The following STPG2 variants were observed in gnomAD, a reference collection of about 807,000 sequenced individuals.
STPG2 encodes the protein sperm tail PG-rich repeat containing 2.
Under a neutral mutation model 54.2 loss-of-function variants are expected in STPG2, and 56 were observed. The observed-to-expected ratio is 1.03, with a 90% CI of 0.83 to 1.29. The LOEUF is 1.29. STPG2 is among the 50% of genes most tolerant of loss of function. The pLI, the probability that STPG2 is intolerant of heterozygous loss-of-function variation, is 0.00. For missense variants in STPG2, 596 were observed against 544.9 expected (o/e 1.09, Z -0.93); for synonymous variants, 200 against 181.8 (o/e 1.10, Z -0.81).
chr4:97,471,762 T>C (rs1225109444), intron 4 of STPG2, among the ~76,000 whole-genome samples: 1 of 152,174 alleles, frequency 6.6e-6, no homozygotes, highest in Non-Finnish European at 1.5e-5. Flanking sequence ...CAAGAAGAAG[T>C]TTATATCAGT....
chr4:97,712,550 A>G, intron 10 of STPG2, 149 bp downstream of exon 10: 2 of 466,548 alleles, frequency 4.3e-6, no homozygotes, highest in Non-Finnish European at 7.3e-6. Flanking sequence ...GTCAGACCAC[A>G]TCTTCAAAAA....
At chr4:97,768,246 G>A (rs1034577372) in intron 9 of STPG2, among the ~76,000 whole-genome samples, 2 of 151,262 alleles carry the variant, frequency 1.3e-5, no homozygotes, top group African/African-American at 4.9e-5. Context: ...AGAATTTAAA[G>A]ACACAATGCA....
intron 5 of STPG2, among the ~76,000 whole-genome samples, chr4:98,038,814 T>C (rs1345600923): frequency 6.6e-6 from 1 of 151,958 alleles, no homozygotes; most frequent in African/African-American, 2.4e-5. Context: ...GTATCCAGAA[T>C]ACATAACAAC....
At chr4:98,066,756 T>C (rs1737849867) in intron 5 of STPG2, among the ~76,000 whole-genome samples, 3 of 152,314 alleles carry the variant, frequency 2.0e-5, no homozygotes, top group Middle Eastern at 3.4e-3. Context: ...GTCAAAAAGA[T>C]GTAATATCCA....
intron 10 of STPG2, among the ~76,000 whole-genome samples, chr4:97,627,044 C>A (rs1734154022): frequency 6.6e-6 from 1 of 152,084 alleles, no homozygotes; most frequent in Admixed American, 6.6e-5. Context: ...TTCTCACATG[C>A]TCTACCAAAT....
intron 9 of STPG2, among the ~76,000 whole-genome samples, chr4:97,756,095 T>C (rs72684491): frequency 0.031 from 4,775 of 152,210 alleles, 116 homozygotes; most frequent in Non-Finnish European, 0.048. Context: ...TCTCTGTTGT[T>C]TTCCTCTCTT....
At chr4:97,966,153 G>A (rs925639551) in intron 7 of STPG2, among the ~76,000 whole-genome samples, 2 of 152,158 alleles carry the variant, frequency 1.3e-5, no homozygotes, top group Non-Finnish European at 2.9e-5. Flanking sequence ...TAGACGAATG[G>A]CTAACTAGAA....
At chr4:97,877,155 AC>A (rs1166049060) in intron 8 of STPG2, among the ~76,000 whole-genome samples, 1 of 152,208 alleles carries the variant, frequency 6.6e-6, no homozygotes, top group African/African-American at 2.4e-5. Context: ...AATTATGGTC[AC>A]CATGCAGTTC....
intron 10 of STPG2, among the ~76,000 whole-genome samples, chr4:97,645,379 C>T (rs1232396108): frequency 1.3e-5 from 2 of 150,990 alleles, no homozygotes; most frequent in East Asian, 1.9e-4. Flanking sequence ...AGATAAAGGA[C>T]GTGAAGCTGG....
chr4:98,128,553 C>T lies in STPG2; in HGVS notation c.262G>A (p.Val88Ile), dbSNP rs776109958. ...RSPTLTRSVD[V>I]PSIPSCGKSY... ...TTTCCACAAGAAGGAATTGAAGGAACATCAACACTTCTGGTAAGTGTAGGT... is the reference window on the plus strand; with the variant it reads ...TTTCCACAAGAAGGAATTGAAGGAATATCAACACTTCTGGTAAGTGTAGGT... The change falls in exon 3 of 11, where the codon GTT becomes ATT. Residue 88 changes from valine to isoleucine, a missense_variant. Physicochemically the swap from Val to Ile is conservative, Grantham distance 29. Transcript: ENST00000295268. 1.2e-6 allele frequency: 2 copies of T among 1,610,978 alleles called. No individual in the cohort carries two copies. The highest frequency in any genetic ancestry group is 2.7e-5 in the African/African-American group (2 of 74,760).
intron 7 of STPG2, among the ~76,000 whole-genome samples, chr4:97,957,008 G>A (rs986705443): frequency 6.6e-6 from 1 of 151,244 alleles, no homozygotes; most frequent in African/African-American, 2.4e-5. Flanking sequence ...AGAATTCAGA[G>A]GAAAGTTATT....
intron 8 of STPG2, among the ~76,000 whole-genome samples, chr4:97,875,229 C>G (rs1003404216): frequency 6.6e-6 from 1 of 151,858 alleles, no homozygotes; most frequent in Non-Finnish European, 1.5e-5. Context: ...ATATCTGGGT[C>G]TTTGGTAGGC....
intron 5 of STPG2, among the ~76,000 whole-genome samples, chr4:98,013,378 T>C (rs7659006): frequency 0.39 from 59,939 of 151,998 alleles, 12,046 homozygotes; most frequent in Middle Eastern, 0.47. Context: ...TTCGCATGAA[T>C]GTTCTTCAAG....
chr4:97,724,603 A>C (rs537924326), intron 9 of STPG2, among the ~76,000 whole-genome samples: 1 of 152,174 alleles, frequency 6.6e-6, no homozygotes, highest in African/African-American at 2.4e-5. Flanking sequence ...CAGTTCTAGT[A>C]GTTTCTGGAT....
intron 5 of STPG2, among the ~76,000 whole-genome samples, chr4:98,080,189 A>C (rs1004818307): frequency 6.6e-6 from 1 of 152,228 alleles, no homozygotes; most frequent in Non-Finnish European, 1.5e-5. Flanking sequence ...AAATTGTTTA[A>C]TGTAAAATAA....
Position 97,571,077 on chromosome 4 carries a change from G to A in STPG2, c.1321-11960C>T, listed in dbSNP as rs1048794564. 1.3e-5 allele frequency among the ~76,000 whole-genome samples: 2 copies of A among 151,828 alleles called. 1 individual carries two copies. The highest frequency in any genetic ancestry group is 1.3e-4 in the Admixed American group (2 of 15,254). ...TTAAAACATTTAATATAATGCTAAA[G>A]TTGAACTTCTTGGATGGTATAGTAT... On this transcript the variant is annotated intron_variant, in intron 10 of 10. Transcript: ENST00000295268.
At chr4:97,630,693 CAATTA>C (rs1329622727) in intron 10 of STPG2, among the ~76,000 whole-genome samples, 1 of 151,520 alleles carries the variant, frequency 6.6e-6, no homozygotes, top group Non-Finnish European at 1.5e-5. Flanking sequence ...AATATCAAAA[CAATTA>C]AATTAAGTGT....
At chr4:97,966,975 C>T (rs755968702) in intron 7 of STPG2, among the ~76,000 whole-genome samples, 4 of 152,078 alleles carry the variant, frequency 2.6e-5, no homozygotes, top group Non-Finnish European at 4.4e-5. Flanking sequence ...AACCAGCTAA[C>T]ATCATAATGA....
At chr4:97,467,192 G>T (rs901105196) in intron 4 of STPG2, among the ~76,000 whole-genome samples, 7 of 151,784 alleles carry the variant, frequency 4.6e-5, no homozygotes, top group African/African-American at 1.7e-4. Context: ...ATCAAAATCT[G>T]AGTATATTTA....
Sources: gnomAD v4.1 joint callset for allele counts (sites outside exome capture counted in the v4.1 genomes callset) on GRCh38, gnomAD v4.1.1 for gene constraint, MANE v1.5 for transcripts, NCBI Gene and HGNC (gene_info 2026-07-23, HGNC 2026-07-21) for gene names.